ANKH: variants seen among roughly 807,000 people sequenced by gnomAD.
ANKH encodes the protein ANKH inorganic pyrophosphate transport regulator.
A neutral mutation model predicts 49.0 loss-of-function variants in ANKH; 15 were observed. The ratio of observed to expected loss-of-function variants is 0.31; its 90% CI spans 0.20 to 0.47. The LOEUF is 0.47. ANKH is among the 20% of genes least tolerant of loss of function. The pLI is 1.00. For missense variants in ANKH, 429 were observed against 652.0 expected, an observed-to-expected ratio of 0.66 and a Z score of 3.72; for synonymous variants, 273 against 260.0, an observed-to-expected ratio of 1.05 and a Z score of -0.48.
intron 1 of ANKH, among the ~76,000 whole-genome samples, chr5:14,786,081 AG>A (rs1213172404): frequency 1.3e-5 from 2 of 150,040 alleles, no homozygotes; most frequent in Non-Finnish European, 3.0e-5. Flanking sequence ...ATTCTGTATC[AG>A]GGAGAAAAAG....
In ANKH at chr5:14,712,940, G is replaced by T. The variant is rs769262545; in HGVS notation, c.1299C>A (p.Leu433=). ...VHGATLGVGS[L]LAGFVGESTM... ...TGGATTCTCCCACAAAGCCCGCCAG[G>T]AGGGAGCCCACGCCCAGGGTCGCAC... The change falls in exon 11 of 12, where the codon CTC becomes CTA. Residue 433 remains leucine (L), a synonymous_variant. Coordinates refer to ENST00000284268, the MANE Select transcript of ANKH (RefSeq NM_054027.6). The T allele has an allele frequency of 6.2e-7, 1 of 1,613,612 alleles. No homozygotes were observed. The highest frequency in any genetic ancestry group is 1.1e-5 in the South Asian group (1 of 90,894).
At chr5:14,859,563 G>T (rs1735417240) in intron 1 of ANKH, among the ~76,000 whole-genome samples, 1 of 152,184 alleles carries the variant, frequency 6.6e-6, no homozygotes, top group East Asian at 1.9e-4. Flanking sequence ...GCTATATTTT[G>T]CAATAAGAAA....
intron 1 of ANKH, among the ~76,000 whole-genome samples, chr5:14,816,898 G>C (rs1472388482): frequency 6.6e-6 from 1 of 152,224 alleles, no homozygotes; most frequent in African/African-American, 2.4e-5. Context: ...CAGGGACTGA[G>C]AGCTCGAGCT....
At chr5:14,836,545 G>A (rs1322785819) in intron 1 of ANKH, among the ~76,000 whole-genome samples, 1 of 152,102 alleles carries the variant, frequency 6.6e-6, no homozygotes, top group Non-Finnish European at 1.5e-5. Context: ...CAAATACCTA[G>A]GAATCCAACT....
rs867539828 is a variant in ANKH, at chr5:14,745,227, A to T, written c.915+643T>A. Among the ~76,000 whole-genome samples the T allele has an allele frequency of 2.7e-5, 2 of 73,220 alleles. No homozygotes were observed. Among genetic ancestry groups the T allele is most frequent in the Non-Finnish European group, 5.3e-5 (2 of 37,616 alleles). 48.0% of individuals were successfully genotyped at this position (73,220 alleles called of 152,430 possible). A position where few individuals can be genotyped will look rare whatever the true frequency, so the allele number is the denominator to read the frequency against. ...CACCAGCCATTTGTTTTAGAGTATT[A>T]AAAAAAGTCTATAGGTTTAAATGAT... On this transcript the variant is annotated intron_variant, in intron 7 of 11. Coordinates refer to ENST00000284268, the MANE Select transcript of ANKH (RefSeq NM_054027.6). The surrounding 1 kb of genome is among the most constrained non-coding windows in gnomAD (Gnocchi z 4.7).
intron 1 of ANKH, among the ~76,000 whole-genome samples, chr5:14,825,565 T>C (rs1741315887): frequency 6.6e-6 from 1 of 152,102 alleles, no homozygotes. Flanking sequence ...GTTGCCCAGG[T>C]TGGTCTCAAA....
intron 1 of ANKH, among the ~76,000 whole-genome samples, chr5:14,779,773 G>A (rs751509129): frequency 5.3e-5 from 8 of 152,128 alleles, no homozygotes; most frequent in Non-Finnish European, 1.0e-4. Flanking sequence ...AGTTCTGATC[G>A]TTTCTCAATA....
At chr5:14,844,492 C>A (rs1260293555) in intron 1 of ANKH, among the ~76,000 whole-genome samples, 1 of 152,236 alleles carries the variant, frequency 6.6e-6, no homozygotes, top group African/African-American at 2.4e-5. Context: ...CCTTCTGAGG[C>A]TTCAGCCTTG....
At chr5:14,729,606 C>T (rs1737932018) in intron 8 of ANKH, among the ~76,000 whole-genome samples, 2 of 152,134 alleles carry the variant, frequency 1.3e-5, no homozygotes, top group Non-Finnish European at 2.9e-5. Context: ...CCGCCTCTAC[C>T]TGCCAGCTGT....
intron 1 of ANKH, among the ~76,000 whole-genome samples, chr5:14,848,473 A>G (rs1742030221): frequency 6.6e-6 from 1 of 152,162 alleles, no homozygotes; most frequent in African/African-American, 2.4e-5. Flanking sequence ...TTGCAACTGC[A>G]CACTCTTCTG....
At chr5:14,789,326 C>G (rs932852793) in intron 1 of ANKH, among the ~76,000 whole-genome samples, 6 of 152,088 alleles carry the variant, frequency 3.9e-5, no homozygotes, top group Admixed American at 1.3e-4. Flanking sequence ...AATCGTTTTA[C>G]AAAGTCTGAC....
chr5:14,871,110 G>A, intron 1 of ANKH: 4 of 640,468 alleles, frequency 6.2e-6, no homozygotes, highest in Non-Finnish European at 1.2e-5. Context: ...CATAGGTGAA[G>A]CTTCACACCA....
At chr5:14,720,981 T>C (rs921270541) in intron 8 of ANKH, among the ~76,000 whole-genome samples, 6 of 152,204 alleles carry the variant, frequency 3.9e-5, no homozygotes, top group African/African-American at 9.7e-5. Flanking sequence ...AATCGGGTCA[T>C]GTTCACCCAG....
intron 1 of ANKH, among the ~76,000 whole-genome samples, chr5:14,817,794 T>C (rs1741082512): frequency 6.6e-6 from 1 of 152,182 alleles, no homozygotes; most frequent in Admixed American, 6.5e-5. Context: ...AAGGGTTCAC[T>C]ATAAGAGAGG....
chr5:14,831,168 A>T (rs1413912220), intron 1 of ANKH, among the ~76,000 whole-genome samples: 1 of 152,148 alleles, frequency 6.6e-6, no homozygotes, highest in Non-Finnish European at 1.5e-5. Flanking sequence ...CCAACTCAGG[A>T]GACCTTGGAG....
At position 14,784,601 on chromosome 5, in the gene ANKH, G is replaced by GT. The variant is rs535735971; in HGVS notation, c.97-15411dup. Among the ~76,000 whole-genome samples the GT allele has an allele frequency of 4.2e-4, 64 of 152,288 alleles. No homozygotes were observed. The South Asian group carries it at 0.012, about 30-fold the overall frequency. On this transcript the variant is annotated intron_variant, in intron 1 of 11. Coordinates refer to ENST00000284268, the MANE Select transcript of ANKH (RefSeq NM_054027.6). ...GAACTGTAGTGCCCTCATAAAGAAC[G>GT]TAAGTCATGTGGTTGGAGGCATTTC... is the stretch of plus-strand genomic sequence containing the variant.
intron 1 of ANKH, among the ~76,000 whole-genome samples, chr5:14,828,280 T>C (rs968448677): frequency 6.6e-6 from 1 of 152,024 alleles, no homozygotes; most frequent in African/African-American, 2.4e-5. Context: ...TCACTTAAAG[T>C]CAGGAGTTTG....
chr5:14,720,684 TTATC>T (rs1181642897), intron 8 of ANKH, among the ~76,000 whole-genome samples: 2 of 152,188 alleles, frequency 1.3e-5, no homozygotes, highest in South Asian at 2.1e-4. Context: ...CATTCTGTGT[TTATC>T]TAAGGGTTAG....
intron 2 of ANKH, among the ~76,000 whole-genome samples, chr5:14,762,779 C>T (rs1297491250): frequency 1.3e-5 from 2 of 152,132 alleles, no homozygotes; most frequent in Non-Finnish European, 2.9e-5. Context: ...GCATAGAGTC[C>T]ATAATTACCA....
Sources: gnomAD v4.1 joint callset for allele counts (sites outside exome capture counted in the v4.1 genomes callset) on GRCh38, gnomAD v4.1.1 for gene constraint, Gnocchi (gnomAD v3.1) non-coding constraint, MANE v1.5 for transcripts, NCBI Gene and HGNC (gene_info 2026-07-23, HGNC 2026-07-21) for gene names.